Variants in MYO1B observed in about 807,000 individuals in gnomAD.
MYO1B encodes the protein myosin IB, also known as unconventional myosin-Ib.
A neutral mutation model predicts 159.7 loss-of-function variants in MYO1B; 72 were observed. The ratio of observed to expected loss-of-function variants is 0.45; its 90% confidence interval spans 0.37 to 0.55. The LOEUF (loss-of-function observed/expected upper bound fraction) is 0.55. Ranked by LOEUF, MYO1B falls within the 20% of genes least tolerant of loss-of-function variation. MYO1B has a pLI of 0.00. For synonymous variants in MYO1B, 468 were observed against 473.8 expected, an observed-to-expected ratio of 0.99 and a Z score of 0.16; for missense variants, 1,062 against 1,364.8, an observed-to-expected ratio of 0.78 and a Z score of 3.50.
chr2:191,394,795 G>C (rs568695089), intron 20 of MYO1B, among the ~76,000 whole-genome samples: 83 of 152,336 alleles, frequency 5.4e-4, no homozygotes, highest in Non-Finnish European at 9.4e-4. Flanking sequence ...TATATCATCA[G>C]ATTTTAAAAA....
At chr2:191,256,818 G>A (rs1426470953) in intron 1 of MYO1B, among the ~76,000 whole-genome samples, 1 of 152,180 alleles carries the variant, frequency 6.6e-6, no homozygotes, top group African/African-American at 2.4e-5. Context: ...GGCATTCACA[G>A]GTGAAGTACC....
chr2:191,330,576 T>C (rs565778577), intron 4 of MYO1B, among the ~76,000 whole-genome samples: 1 of 152,348 alleles, frequency 6.6e-6, no homozygotes, highest in South Asian at 2.1e-4. Context: ...GTGCTTTTAA[T>C]AAATGCAATT....
At chr2:191,418,482 A>ATTTTTT (rs1159016855) in intron 30 of MYO1B, among the ~76,000 whole-genome samples, 4,042 of 80,946 alleles carry the variant, frequency 0.05, 208 homozygotes, top group Non-Finnish European at 0.06. Flanking sequence ...TCTTTAGTGG[A>ATTTTTT]TTTTTTTTTT....
At position 191,381,365 on chromosome 2, in the gene MYO1B, G is replaced by A. The variant is rs191284303; in HGVS notation, c.1186-97G>A. ...GCCACAGTTAAATCTGAGAGATCAT[G>A]TGTGGCATTTCTCATGGATTGAGAT... On this transcript the variant is annotated intron_variant, in intron 13 of 30. Coordinates refer to ENST00000392318, the MANE Select transcript of MYO1B (RefSeq NM_001130158.3). The A allele has an allele frequency of 1.3e-4, 114 of 872,314 alleles. 1 individual carries two copies. The Admixed American group carries it at 1.7e-3, about 13-fold the overall frequency. The allele number at this position is 872,314 out of a possible 1,614,324, so 54.0% of individuals were successfully genotyped here.
At chr2:191,263,964 G>A (rs575769742) in intron 1 of MYO1B, among the ~76,000 whole-genome samples, 4 of 152,238 alleles carry the variant, frequency 2.6e-5, no homozygotes, top group African/African-American at 7.2e-5. Context: ...AGGTTGATTT[G>A]TTTGTAGTGT....
chr2:191,402,717 A>G lies in MYO1B; in HGVS notation c.2555A>G (p.Lys852Arg), dbSNP rs1454806842. 1 of 1,611,234 alleles carries G rather than the reference A, an allele frequency of 6.2e-7. No homozygotes were observed. Among genetic ancestry groups the G allele is most frequent in the Non-Finnish European group, 8.5e-7 (1 of 1,178,808 alleles). ...AVIWAYWLGL[K>R]VRREYRKFFR... is the part of the protein sequence containing the mutation. Reference sequence around the variant, plus strand: ...ATTTGGGCTTACTGGCTTGGACTGAAGGTACTTCCTCAACCACTTGTTTCT... The same window carrying G: ...ATTTGGGCTTACTGGCTTGGACTGAGGGTACTTCCTCAACCACTTGTTTCT... Residue 852 changes from lysine to arginine, a missense_variant and splice_region_variant, in exon 24 of 31, where the codon AAG becomes AGG. Physicochemically the swap from Lys to Arg is conservative, Grantham distance 26. Coordinates refer to ENST00000392318, the MANE Select transcript of MYO1B (RefSeq NM_001130158.3).
chr2:191,247,850 C>T, intron 1 of MYO1B: 5 of 869,968 alleles, frequency 5.7e-6, no homozygotes, highest in Non-Finnish European at 6.9e-6. Context: ...TGGTGGATGC[C>T]TGATTGTGTG....
chr2:191,322,066 C>T (rs543627700), intron 3 of MYO1B, among the ~76,000 whole-genome samples: 1 of 152,294 alleles, frequency 6.6e-6, no homozygotes, highest in South Asian at 2.1e-4. Context: ...TAACAGCCTG[C>T]AGTAGCAAGG....
At chr2:191,383,608 C>T (rs1431982947) in intron 15 of MYO1B, among the ~76,000 whole-genome samples, 3 of 150,094 alleles carry the variant, frequency 2.0e-5, no homozygotes, top group Non-Finnish European at 3.0e-5. Flanking sequence ...CCTAAGAGAT[C>T]ATACACAGTT....
At chr2:191,387,155 A>AT in intron 16 of MYO1B, 69 bp from the exon 17 acceptor site, 1 of 1,466,000 alleles carries the variant, frequency 6.8e-7, no homozygotes. Context: ...GTCTTGGAGT[A>AT]TTTTTAATAG....
chr2:191,353,565 C>T (rs1693065446), intron 7 of MYO1B, among the ~76,000 whole-genome samples: 1 of 152,186 alleles, frequency 6.6e-6, no homozygotes, highest in Non-Finnish European at 1.5e-5. Flanking sequence ...ATACCTGACA[C>T]AGCAGGTGTG....
chr2:191,422,323 C>T (rs527461066), intron 30 of MYO1B, among the ~76,000 whole-genome samples: 1 of 152,160 alleles, frequency 6.6e-6, no homozygotes, highest in Non-Finnish European at 1.5e-5. Flanking sequence ...CTCATGTCCC[C>T]CAGTGATGCT....
Position 191,360,678 on chromosome 2 carries a change from A to G in MYO1B, c.610A>G (p.Asn204Asp), listed in dbSNP as rs1311612730. ...RVVKQPRGER[N>D]FHVFYQLLSG... The stretch of plus-strand genomic sequence containing the variant: ...TGTTAAACAGCCAAGAGGTGAAAGA[A>G]ACTTCCATGTGTTCTATCAGCTGCT... Residue 204 changes from asparagine to aspartate, a missense_variant, in exon 8 of 31, where the codon AAC becomes GAC. By Grantham distance (23) the Asn-to-Asp change is conservative. This residue lies in a region of MYO1B where 415 missense variants were observed against 544.0 expected (regional missense o/e 0.76). Transcript: ENST00000392318. The G allele has an allele frequency of 6.2e-7, 1 of 1,613,804 alleles. No individual in the cohort carries two copies.
At chr2:191,375,339 G>T (rs1242954756) in intron 13 of MYO1B, among the ~76,000 whole-genome samples, 2 of 152,188 alleles carry the variant, frequency 1.3e-5, no homozygotes, top group Admixed American at 1.3e-4. Context: ...TCTGGCTATA[G>T]TCAGCACCTT....
At chr2:191,392,227 T>C (rs762351143) in intron 19 of MYO1B, 26 bp downstream of exon 19, 12 of 1,520,508 alleles carry the variant, frequency 7.9e-6, no homozygotes, top group Non-Finnish European at 1.1e-5. Flanking sequence ...CTTTACACTC[T>C]GAACTTAAGT....
chr2:191,348,189 GGTTTAT>G (rs1195677852), intron 6 of MYO1B, among the ~76,000 whole-genome samples: 1 of 152,056 alleles, frequency 6.6e-6, no homozygotes, highest in Non-Finnish European at 1.5e-5. Context: ...GCCACTCATT[GGTTTAT>G]CCCTGGTTGT....
rs1225076917 is a variant in MYO1B, at chr2:191,424,871, C to T, written c.*911C>T. 1.3e-5 allele frequency: 2 copies of T among 152,556 alleles called. No homozygotes were observed. Among genetic ancestry groups the T allele is most frequent in the Non-Finnish European group, 2.9e-5 (2 of 67,990 alleles). The allele number at this position is 152,556 out of a possible 1,614,324, so 9.5% of individuals were successfully genotyped here. A position where few individuals can be genotyped will look rare whatever the true frequency, so the allele number is the denominator to read the frequency against. On this transcript the variant is annotated 3_prime_UTR_variant, in exon 31 of 31. Coordinates refer to ENST00000392318, the MANE Select transcript of MYO1B (RefSeq NM_001130158.3). ...AAAGGGCTAAAAGCCATTCAGATAGCAGTAAAACATTCTGTATGATGTGCA... is the reference window on the plus strand; with the variant it reads ...AAAGGGCTAAAAGCCATTCAGATAGTAGTAAAACATTCTGTATGATGTGCA...
intron 11 of MYO1B, 56 bp downstream of exon 11, chr2:191,364,332 A>G (rs1395132767): frequency 3.6e-6 from 5 of 1,374,170 alleles, no homozygotes; most frequent in South Asian, 3.5e-5. Context: ...GCTAATTTTC[A>G]TATAAGTATA....
chr2:191,344,695 T>C (rs1200296370), intron 5 of MYO1B, among the ~76,000 whole-genome samples: 1 of 150,930 alleles, frequency 6.6e-6, no homozygotes, highest in Admixed American at 6.6e-5. Flanking sequence ...CCGGGCGTAG[T>C]GGCGGGCGCC....
Sources: allele counts gnomAD v4.1 joint callset (sites outside exome capture counted in the v4.1 genomes callset), GRCh38; gene constraint gnomAD v4.1.1; regional missense constraint gnomAD v4.1.1; transcripts MANE v1.5; gene names NCBI Gene and HGNC (gene_info 2026-07-23, HGNC 2026-07-21).